The following CYP2C8 variants were observed in gnomAD, a reference collection of about 807,000 sequenced individuals.
CYP2C8 encodes the protein cytochrome P450 family 2 subfamily C member 8.
In CYP2C8, 51 loss-of-function variants were observed where a neutral mutation model predicts 41.3. The ratio of observed to expected loss-of-function variants is 1.24; its 90% CI spans 0.99 to 1.56. The LOEUF (loss-of-function observed/expected upper bound fraction) is 1.56, where lower values mean the gene tolerates loss of function less well. Ranked by LOEUF, CYP2C8 falls within the 40% of genes most tolerant of loss-of-function variation. CYP2C8 has a pLI of 0.00. For missense variants in CYP2C8, 651 were observed against 579.9 expected, an observed-to-expected ratio of 1.12 and a Z score of -1.26; for synonymous variants, 218 against 205.8, an observed-to-expected ratio of 1.06 and a Z score of -0.51.
chr10:95,044,398 A>T (rs2033067650), intron 6 of CYP2C8, among the ~76,000 whole-genome samples: 1 of 152,162 alleles, frequency 6.6e-6, no homozygotes, highest in Non-Finnish European at 1.5e-5. Flanking sequence ...TGGTGCTCTG[A>T]AATTCCATGA....
chr10:95,045,838 C>G lies in CYP2C8; in HGVS notation c.933G>C (p.Leu311=). Residue 311 remains leucine (L), a synonymous_variant, in exon 6 of 9, where the codon CTG becomes CTC. Coordinates refer to ENST00000371270, the MANE Select transcript of CYP2C8 (RefSeq NM_000770.3). ...TTSTTLRYGL[L]LLLKHPEVTA... is the part of the protein sequence containing the mutation. ...TGACCTCTGGGTGCTTCAGCAGGAG[C>G]AGGAGTCCATATCTCAGAGTGGTGC... 1 of 1,614,020 alleles carries G rather than the reference C, an allele frequency of 6.2e-7. No homozygotes were observed. Among genetic ancestry groups the G allele is most frequent in the Non-Finnish European group, 8.5e-7 (1 of 1,179,898 alleles).
At chr10:95,048,127 C>T (rs566940269) in intron 5 of CYP2C8, among the ~76,000 whole-genome samples, 4 of 152,002 alleles carry the variant, frequency 2.6e-5, no homozygotes, top group South Asian at 4.1e-4. Flanking sequence ...TGTGTGTGTG[C>T]GTGTTTGTGA....
At chr10:95,048,754 T>C (rs2033157370) in intron 5 of CYP2C8, among the ~76,000 whole-genome samples, 1 of 152,176 alleles carries the variant, frequency 6.6e-6, no homozygotes, top group African/African-American at 2.4e-5. Context: ...GCTTGGCTGA[T>C]ATTACCCAGG....
At chr10:95,060,631 T>C (rs905356925) in intron 4 of CYP2C8, among the ~76,000 whole-genome samples, 13 of 152,218 alleles carry the variant, frequency 8.5e-5, no homozygotes, top group African/African-American at 3.1e-4. Context: ...TGAATACCTT[T>C]TATTTCTTTC....
chr10:95,042,264 A>C (rs117619978), intron 7 of CYP2C8, among the ~76,000 whole-genome samples: 6,995 of 152,290 alleles, frequency 0.046, 168 homozygotes, highest in Middle Eastern at 0.1. Context: ...CCCAGATAGC[A>C]AAATAATATA....
intron 4 of CYP2C8, among the ~76,000 whole-genome samples, chr10:95,064,297 G>A (rs984607913): frequency 6.6e-6 from 1 of 152,116 alleles, no homozygotes; most frequent in Admixed American, 6.6e-5. Context: ...CTTCCTGGTG[G>A]TTTTGTTTAC....
intron 3 of CYP2C8, among the ~76,000 whole-genome samples, chr10:95,066,153 A>AGAGAGAGAGAGAGAGAGT (rs1342809282): frequency 1.1e-5 from 1 of 88,286 alleles, no homozygotes; most frequent in Non-Finnish European, 2.3e-5. Context: ...AGAGAGAGAG[A>AGAGAGAGAGAGAGAGAGT]GTGTGTGTGT....
intron 6 of CYP2C8, among the ~76,000 whole-genome samples, 175 bp downstream of exon 6, chr10:95,045,635 C>T (rs2033092890): frequency 6.6e-6 from 1 of 152,178 alleles, no homozygotes; most frequent in Non-Finnish European, 1.5e-5. Context: ...TGTCATCCTC[C>T]TCCATTGTAC....
rs757297073 is a variant in CYP2C8 at position 95,067,524 on chromosome 10, C to A, written c.331+5G>T. ...CAAAGCTGACACAGAAATATGTGCA[C>A]CTACCAAGTCCTTTAGTAATTCTTT... is the stretch of plus-strand genomic sequence containing the variant. On this transcript the variant is annotated splice_donor_5th_base_variant and intron_variant, in intron 2 of 8. Transcript: ENST00000371270. 3 of 1,613,972 alleles carry A rather than the reference C, an allele frequency of 1.9e-6. No homozygotes were observed. Among genetic ancestry groups the A allele is most frequent in the South Asian group, 1.1e-5 (1 of 91,080 alleles).
chr10:95,041,070 G>A, intron 7 of CYP2C8: 2 of 432,346 alleles, frequency 4.6e-6, no homozygotes, highest in Admixed American at 5.1e-5. Flanking sequence ...GTATACTTAT[G>A]TATATTTAGT....
chr10:95,052,303 C>A (rs1243413851), intron 5 of CYP2C8, among the ~76,000 whole-genome samples: 2 of 151,954 alleles, frequency 1.3e-5, no homozygotes, highest in African/African-American at 2.4e-5. Context: ...TCAGATTGAA[C>A]TCAAGAGAAA....
chr10:95,039,418 G>A (rs1356323670), intron 7 of CYP2C8: 2 of 256,186 alleles, frequency 7.8e-6, no homozygotes. Flanking sequence ...AATGTCCAGA[G>A]TATCTGTTCA....
intron 5 of CYP2C8, among the ~76,000 whole-genome samples, chr10:95,046,825 A>G (rs1178344600): frequency 1.3e-5 from 2 of 151,462 alleles, no homozygotes; most frequent in African/African-American, 4.8e-5. Flanking sequence ...AGTCTAGCCC[A>G]CTATAAGACT....
intron 8 of CYP2C8, among the ~76,000 whole-genome samples, chr10:95,037,690 G>C (rs11572176): frequency 1.3e-5 from 2 of 152,062 alleles, no homozygotes; most frequent in Non-Finnish European, 2.9e-5. Flanking sequence ...CTTGTTTCCT[G>C]TTCCAAGCCT....
chr10:95,054,932 G>C (rs11572127), intron 5 of CYP2C8, among the ~76,000 whole-genome samples: 6,983 of 152,026 alleles, frequency 0.046, 169 homozygotes, highest in Middle Eastern at 0.1. Context: ...CATTTTAAAG[G>C]ATTGAAATGG....
In CYP2C8 at chr10:95,066,143, A is replaced by AGTGTGT. The variant is rs1453134470; in HGVS notation, c.481+1064_481+1065insACACAC. Among the ~76,000 whole-genome samples, 7 of 112,782 alleles carry AGTGTGT rather than the reference A, an allele frequency of 6.2e-5. 1 individual carries two copies. The highest frequency in any genetic ancestry group is 1.7e-4 in the Admixed American group (2 of 11,988). 74.0% of individuals were successfully genotyped at this position (112,782 alleles called of 152,430 possible). ...GTGAGAGAGAGAGAGAGAGAGAGAG[A>AGTGTGT]GAGAGAGAGAGTGTGTGTGTGTGTG... On this transcript the variant is annotated intron_variant, in intron 3 of 8. Coordinates refer to ENST00000371270, the MANE Select transcript of CYP2C8 (RefSeq NM_000770.3).
At chr10:95,037,982 C>A (rs960890573) in intron 8 of CYP2C8, among the ~76,000 whole-genome samples, 1 of 152,134 alleles carries the variant, frequency 6.6e-6, no homozygotes, top group Non-Finnish European at 1.5e-5. Context: ...TACCAGGAAT[C>A]GTAATTCTGT....
chr10:95,066,884 G>A (rs2033580491), intron 3 of CYP2C8, among the ~76,000 whole-genome samples: 1 of 152,228 alleles, frequency 6.6e-6, no homozygotes, highest in Non-Finnish European at 1.5e-5. Flanking sequence ...TATGCTATGG[G>A]GGAAACCTTC....
chr10:95,048,453 G>C (rs965611727), intron 5 of CYP2C8, among the ~76,000 whole-genome samples: 6 of 152,174 alleles, frequency 3.9e-5, no homozygotes, highest in African/African-American at 1.4e-4. Flanking sequence ...TGGCAAGAGA[G>C]TGACATAGAC....
Sources: gnomAD v4.1 joint callset for allele counts (sites outside exome capture counted in the v4.1 genomes callset) on GRCh38, gnomAD v4.1.1 for gene constraint, MANE v1.5 for transcripts, NCBI Gene and HGNC (gene_info 2026-07-23, HGNC 2026-07-21) for gene names.